The following LDLRAD4 variants were observed in gnomAD, a reference collection of about 807,000 sequenced individuals.
The protein encoded by LDLRAD4 is low-density lipoprotein receptor class A domain-containing protein 4.
LDLRAD4 carries 5 observed loss-of-function variants against 17.0 expected under a neutral mutation model. The ratio of observed to expected loss-of-function variants is 0.29; its 90% confidence interval spans 0.15 to 0.62. The LOEUF (loss-of-function observed/expected upper bound fraction) is 0.62. LDLRAD4 is among the 20% of genes least tolerant of loss of function. LDLRAD4 has a pLI of 0.84. For synonymous variants in LDLRAD4, 168 were observed against 171.8 expected, an observed-to-expected ratio of 0.98 and a Z score of 0.17; for missense variants, 340 against 424.7, an observed-to-expected ratio of 0.80 and a Z score of 1.75.
chr18:13,464,120 AG>A (rs1367087066), intron 3 of LDLRAD4, among the ~76,000 whole-genome samples: 2 of 152,254 alleles, frequency 1.3e-5, no homozygotes, highest in Non-Finnish European at 2.9e-5. Context: ...GGTAACAAAA[AG>A]ACAAGCCTTT....
At chr18:13,507,754 C>T (rs1043702068) in intron 3 of LDLRAD4, among the ~76,000 whole-genome samples, 3 of 152,210 alleles carry the variant, frequency 2.0e-5, no homozygotes, top group African/African-American at 7.2e-5. Context: ...GCTGTTCCGT[C>T]ACTTCTCTTC....
intron 1 of LDLRAD4, among the ~76,000 whole-genome samples, chr18:13,302,805 A>C (rs1418121549): frequency 2.6e-5 from 4 of 152,228 alleles, no homozygotes; most frequent in African/African-American, 7.2e-5. Context: ...CTGTTATGTT[A>C]CATGCAGTTG....
At chr18:13,574,806 A>G (rs1034054667) in intron 3 of LDLRAD4, among the ~76,000 whole-genome samples, 2 of 152,236 alleles carry the variant, frequency 1.3e-5, no homozygotes, top group African/African-American at 2.4e-5. Context: ...TGGTTCTACC[A>G]TGTTCCAAGC....
intron 3 of LDLRAD4, among the ~76,000 whole-genome samples, chr18:13,525,501 G>A (rs1056863508): frequency 1.3e-5 from 2 of 152,230 alleles, no homozygotes; most frequent in African/African-American, 4.8e-5. Flanking sequence ...TCCCATAAAC[G>A]TCATTCGTTT....
At chr18:13,510,847 C>T (rs1053739439) in intron 3 of LDLRAD4, among the ~76,000 whole-genome samples, 3 of 151,966 alleles carry the variant, frequency 2.0e-5, no homozygotes, top group Non-Finnish European at 2.9e-5. Context: ...GAGGGAGATA[C>T]GGCTGAAAGC....
At chr18:13,578,515 T>G (rs2094806374) in intron 3 of LDLRAD4, among the ~76,000 whole-genome samples, 2 of 152,164 alleles carry the variant, frequency 1.3e-5, no homozygotes, top group Non-Finnish European at 2.9e-5. Context: ...AGCATGGTGC[T>G]AGGTGCCAGA....
chr18:13,330,938 C>T (rs926938117), intron 1 of LDLRAD4, among the ~76,000 whole-genome samples: 1 of 152,194 alleles, frequency 6.6e-6, no homozygotes, highest in Non-Finnish European at 1.5e-5. Flanking sequence ...TTCTGGATAG[C>T]TAAACACATG....
intron 3 of LDLRAD4, among the ~76,000 whole-genome samples, chr18:13,610,723 G>A (rs999028650): frequency 2.6e-5 from 4 of 152,128 alleles, no homozygotes; most frequent in African/African-American, 9.7e-5. Context: ...AGGAGCCTCG[G>A]GGCTCCAGGG....
chr18:13,380,194 C>A (rs1226612817), intron 1 of LDLRAD4, among the ~76,000 whole-genome samples: 1 of 152,368 alleles, frequency 6.6e-6, no homozygotes, highest in African/African-American at 2.4e-5. Context: ...CAAGCCCTGA[C>A]CCTTTCCCAT....
intron 1 of LDLRAD4, among the ~76,000 whole-genome samples, chr18:13,229,729 T>C (rs1225147131): frequency 1.3e-5 from 2 of 152,204 alleles, no homozygotes; most frequent in Non-Finnish European, 2.9e-5. Context: ...CCTTCTACTC[T>C]TTCCTCCTGT....
chr18:13,491,508 T>C (rs1002632125), intron 3 of LDLRAD4: 57 of 152,242 alleles, frequency 3.7e-4, no homozygotes, highest in African/African-American at 9.9e-4. Context: ...TGAGATACTT[T>C]ATATGTTTGA....
intron 3 of LDLRAD4, among the ~76,000 whole-genome samples, chr18:13,499,788 C>T (rs55696103): frequency 0.18 from 27,336 of 152,214 alleles, 2,955 homozygotes; most frequent in Middle Eastern, 0.37. Context: ...CATCTCCACA[C>T]ACGTATCCTG....
At chr18:13,306,753 C>G (rs2046940023) in intron 1 of LDLRAD4, among the ~76,000 whole-genome samples, 1 of 152,104 alleles carries the variant, frequency 6.6e-6, no homozygotes, top group Admixed American at 6.5e-5. Flanking sequence ...TTGTGCATGA[C>G]TTCATGGGAT....
At chr18:13,259,608 A>G (rs2043696457) in intron 1 of LDLRAD4, among the ~76,000 whole-genome samples, 1 of 152,210 alleles carries the variant, frequency 6.6e-6, no homozygotes, top group Non-Finnish European at 1.5e-5. Context: ...TATGTAAAGC[A>G]TACATTGGTA....
At chr18:13,368,675 G>C (rs1333753150) in intron 1 of LDLRAD4, among the ~76,000 whole-genome samples, 1 of 152,184 alleles carries the variant, frequency 6.6e-6, no homozygotes, top group Non-Finnish European at 1.5e-5. Flanking sequence ...CTTTTATGTG[G>C]GTTTGGGGGA....
chr18:13,592,950 A>G (rs141140310), intron 3 of LDLRAD4, among the ~76,000 whole-genome samples: 1 of 152,362 alleles, frequency 6.6e-6, no homozygotes, highest in East Asian at 1.9e-4. Context: ...GAGGTTCTAG[A>G]AAGTGTATTC....
chr18:13,423,401 G>C (rs996621460), intron 2 of LDLRAD4, among the ~76,000 whole-genome samples: 2 of 151,842 alleles, frequency 1.3e-5, no homozygotes, highest in African/African-American at 4.8e-5. Flanking sequence ...GCTGAGGCAA[G>C]AGAATCTCTT....
chr18:13,619,949 C>T (rs1004232953), intron 3 of LDLRAD4, among the ~76,000 whole-genome samples: 1 of 151,970 alleles, frequency 6.6e-6, no homozygotes, highest in Non-Finnish European at 1.5e-5. Context: ...TGTCCCACTG[C>T]CCTCCACTCC....
At chr18:13,283,900 C>T (rs892437612) in intron 1 of LDLRAD4, among the ~76,000 whole-genome samples, 2 of 152,160 alleles carry the variant, frequency 1.3e-5, no homozygotes, top group East Asian at 3.8e-4. Flanking sequence ...GCAAAAGGCA[C>T]TTCTTACAGG....
Sources: gnomAD v4.1 joint callset for allele counts (sites outside exome capture counted in the v4.1 genomes callset) on GRCh38, gnomAD v4.1.1 for gene constraint, MANE v1.5 for transcripts, NCBI Gene and HGNC (gene_info 2026-07-23, HGNC 2026-07-21) for gene names.